Variants in CSMD1 observed in about 807,000 individuals in gnomAD.
CSMD1 encodes CUB and Sushi multiple domains 1, also known as CUB and sushi domain-containing protein 1.
Under a neutral mutation model 417.5 loss-of-function variants are expected in CSMD1, and 213 were observed. That is an observed-to-expected ratio of 0.51 (90% CI 0.46 to 0.57). The LOEUF (loss-of-function observed/expected upper bound fraction) is 0.57. Ranked by LOEUF, CSMD1 falls within the 20% of genes least tolerant of loss-of-function variation. CSMD1 has a pLI of 0.00. For missense variants in CSMD1, 6,923 were observed against 4,529.7 expected (o/e 1.53, Z -15.17); for synonymous variants, 2,862 against 1,736.8 (o/e 1.65, Z -16.11).
chr8:4,639,519 T>C (rs763152501), intron 1 of CSMD1, among the ~76,000 whole-genome samples: 8 of 152,214 alleles, frequency 5.3e-5, no homozygotes, highest in Non-Finnish European at 1.0e-4. Context: ...ACTGTCTATG[T>C]TTCTTACCTT....
intron 37 of CSMD1, among the ~76,000 whole-genome samples, chr8:3,172,363 T>A (rs1038297130): frequency 3.3e-5 from 5 of 152,288 alleles, no homozygotes; most frequent in Admixed American, 2.6e-4. Context: ...GGCTGACTAA[T>A]GCTCATTTTT....
intron 26 of CSMD1, among the ~76,000 whole-genome samples, chr8:3,265,025 T>C (rs1801332398): frequency 6.6e-6 from 1 of 152,150 alleles, no homozygotes; most frequent in Non-Finnish European, 1.5e-5. Context: ...AGAATTTAAA[T>C]TATATGGGAA....
chr8:3,627,290 A>G (rs1426770106), intron 7 of CSMD1, among the ~76,000 whole-genome samples: 1 of 152,168 alleles, frequency 6.6e-6, no homozygotes, highest in Non-Finnish European at 1.5e-5. Context: ...ACCTAGCTGC[A>G]AGACACTTGG....
intron 3 of CSMD1, among the ~76,000 whole-genome samples, chr8:4,224,350 A>G (rs1801219123): frequency 6.6e-6 from 1 of 152,194 alleles, no homozygotes; most frequent in South Asian, 2.1e-4. Context: ...CCTTAGGTAC[A>G]TGTACGATGT....
chr8:4,788,920 A>G (rs1001891428), intron 1 of CSMD1, among the ~76,000 whole-genome samples: 6 of 152,182 alleles, frequency 3.9e-5, no homozygotes, highest in Admixed American at 3.9e-4. Flanking sequence ...GGTTGGCAGC[A>G]TATGAGAAGG....
At chr8:3,963,777 C>T (rs1051518875) in intron 5 of CSMD1, among the ~76,000 whole-genome samples, 4 of 152,080 alleles carry the variant, frequency 2.6e-5, no homozygotes, top group African/African-American at 9.7e-5. Flanking sequence ...ATATGTATAG[C>T]AACCTAAGTC....
At chr8:4,239,964 C>G (rs1802292047) in intron 3 of CSMD1, among the ~76,000 whole-genome samples, 1 of 152,140 alleles carries the variant, frequency 6.6e-6, no homozygotes, top group Admixed American at 6.6e-5. Context: ...TAAATCCAAA[C>G]CTCTTTTACC....
intron 1 of CSMD1, among the ~76,000 whole-genome samples, chr8:4,640,344 C>A (rs537151595): frequency 2.0e-5 from 3 of 152,146 alleles, no homozygotes; most frequent in Admixed American, 2.0e-4. Context: ...AAGATAGAAT[C>A]GGATGTATTT....
At chr8:4,948,305 G>C (rs1274845503) in intron 1 of CSMD1, among the ~76,000 whole-genome samples, 1 of 151,830 alleles carries the variant, frequency 6.6e-6, no homozygotes, top group African/African-American at 2.4e-5. Flanking sequence ...AGGTATAGTT[G>C]TTATTTTGTT....
chr8:4,638,918 A>T (rs1012629402), intron 1 of CSMD1, among the ~76,000 whole-genome samples: 10 of 152,078 alleles, frequency 6.6e-5, no homozygotes, highest in African/African-American at 2.4e-4. Flanking sequence ...TTCTCAGGTG[A>T]CTCCCAGACT....
chr8:3,812,033 G>GAA (rs113450667), intron 5 of CSMD1, among the ~76,000 whole-genome samples: 17 of 150,212 alleles, frequency 1.1e-4, no homozygotes, highest in Non-Finnish European at 2.2e-4. Flanking sequence ...TGCTTAGTGA[G>GAA]AAAAAAAAAA....
At chr8:3,536,356 T>G (rs1388060743) in intron 10 of CSMD1, among the ~76,000 whole-genome samples, 1 of 152,210 alleles carries the variant, frequency 6.6e-6, no homozygotes, top group Non-Finnish European at 1.5e-5. Context: ...AACACTTAAG[T>G]GAGGGTGTCA....
At chr8:3,603,320 C>G (rs1003316230) in intron 8 of CSMD1, among the ~76,000 whole-genome samples, 1 of 152,122 alleles carries the variant, frequency 6.6e-6, no homozygotes, top group Non-Finnish European at 1.5e-5. Flanking sequence ...TGTTATGTTC[C>G]TTAAAATTTT....
chr8:3,213,501 C>A (rs959397661), intron 30 of CSMD1, among the ~76,000 whole-genome samples: 6 of 152,104 alleles, frequency 3.9e-5, no homozygotes, highest in African/African-American at 1.4e-4. Flanking sequence ...TGTCTGACTT[C>A]ATCACTGTAG....
intron 8 of CSMD1, among the ~76,000 whole-genome samples, chr8:3,614,948 G>T (rs564530669): frequency 6.6e-6 from 1 of 152,320 alleles, no homozygotes; most frequent in South Asian, 2.1e-4. Context: ...CGACAAGAGG[G>T]ACATGAAAGA....
At chr8:3,297,293 G>A (rs1432094521) in intron 25 of CSMD1, among the ~76,000 whole-genome samples, 1 of 152,020 alleles carries the variant, frequency 6.6e-6, no homozygotes, top group East Asian at 1.9e-4. Flanking sequence ...TAAAAATCCA[G>A]GCAATTTCTT....
chr8:3,202,050 C>T (rs1585639940), intron 31 of CSMD1, among the ~76,000 whole-genome samples: 1 of 152,094 alleles, frequency 6.6e-6, no homozygotes, highest in Non-Finnish European at 1.5e-5. Flanking sequence ...CGCCTGTAAT[C>T]CCAGTACTTT....
At position 3,387,456 on chromosome 8, in the gene CSMD1, C is replaced by A. The variant is rs771794871; in HGVS notation, c.2782+38G>T. The A allele has an allele frequency of 5.8e-6, 9 of 1,541,958 alleles. No individual in the cohort carries two copies. In the South Asian group the frequency reaches 1.1e-4, roughly 19 times the overall value. On this transcript the variant is annotated intron_variant, in intron 18 of 69. Coordinates refer to ENST00000635120, the MANE Select transcript of CSMD1 (RefSeq NM_033225.6). ...GTTAGACGTGTGCGCTGTCTCTGCA[C>A]ACCCTGCTGGTGCATTGCCTCACTG...
intron 1 of CSMD1, among the ~76,000 whole-genome samples, chr8:4,725,433 G>T (rs1193506677): frequency 6.6e-6 from 1 of 152,124 alleles, no homozygotes; most frequent in Non-Finnish European, 1.5e-5. Flanking sequence ...TATGGTTGTT[G>T]TTCTCCATTT....
Sources: gnomAD v4.1 joint callset for allele counts (sites outside exome capture counted in the v4.1 genomes callset) on GRCh38, gnomAD v4.1.1 for gene constraint, MANE v1.5 for transcripts, NCBI Gene and HGNC (gene_info 2026-07-23, HGNC 2026-07-21) for gene names.